MARK2: variants seen among roughly 807,000 people sequenced by gnomAD.
MARK2 encodes serine/threonine-protein kinase MARK2.
MARK2 carries 16 observed loss-of-function variants against 89.8 expected under a neutral mutation model. That is an observed-to-expected ratio of 0.18 (90% CI 0.12 to 0.27). The LOEUF (loss-of-function observed/expected upper bound fraction) is 0.27, where lower values mean the gene tolerates loss of function less well. Ranked by LOEUF, MARK2 falls within the 10% of genes least tolerant of loss-of-function variation. The probability of loss-of-function intolerance (pLI) is 1.00; values close to 1 mark genes in which losing one functional copy is unlikely to be tolerated. For synonymous variants in MARK2, 382 were observed against 399.5 expected (o/e 0.96, Z 0.52); for missense variants, 621 against 1,049.9 (o/e 0.59, Z 5.65).
intron 1 of MARK2, among the ~76,000 whole-genome samples, chr11:63,864,972 C>T (rs1852624325): frequency 6.6e-6 from 1 of 152,190 alleles, no homozygotes; most frequent in Non-Finnish European, 1.5e-5. Context: ...CAGTCTCGGC[C>T]TTGACCTCCC....
At chr11:63,907,534 G>A (rs547233234) in intron 17 of MARK2, among the ~76,000 whole-genome samples, 29 of 152,302 alleles carry the variant, frequency 1.9e-4, no homozygotes, top group Non-Finnish European at 3.2e-4. Flanking sequence ...GCCGCTCAGC[G>A]GGGCCAGACC....
chr11:63,852,766 C>T (rs866349566), intron 1 of MARK2, among the ~76,000 whole-genome samples: 6 of 151,962 alleles, frequency 3.9e-5, no homozygotes, highest in African/African-American at 4.8e-5. Flanking sequence ...GCGTCTTATG[C>T]GACAGAACAT....
rs149551455 is a variant in MARK2, at chr11:63,871,915, C to A, written c.55-23244C>A. Among the ~76,000 whole-genome samples, 9 of 152,330 alleles carry A rather than the reference C, an allele frequency of 5.9e-5. 1 individual carries two copies. The East Asian group carries it at 1.5e-3, about 26-fold the overall frequency. On this transcript the variant is annotated intron_variant, in intron 1 of 18. Transcript: ENST00000402010. Reference sequence around the variant, plus strand: ...TGTGCAGGTGTGGGTGAAGAGTAGGCTGTCCAGGATTTCAATCCTTGGCTT... The same window carrying A: ...TGTGCAGGTGTGGGTGAAGAGTAGGATGTCCAGGATTTCAATCCTTGGCTT...
intron 18 of MARK2, among the ~76,000 whole-genome samples, chr11:63,908,588 G>T (rs902425368): frequency 6.6e-6 from 1 of 152,160 alleles, no homozygotes; most frequent in East Asian, 1.9e-4. Context: ...CCCTGTGCTC[G>T]GAGGCTTCTT....
Position 63,902,845 on chromosome 11 carries a change from T to A in MARK2, c.1416+63T>A. ...GTGGGGCCTGCCCTCTCCAGGCAGC[T>A]CTTCTCTTAATTCAGACTCTGTTCC... On this transcript the variant is annotated intron_variant, in intron 13 of 18. Coordinates refer to ENST00000402010, the MANE Select transcript of MARK2 (RefSeq NM_001039469.3). The surrounding 1 kb of genome is among the most constrained non-coding windows in gnomAD (Gnocchi z 4.2). The A allele has an allele frequency of 7.2e-7, 1 of 1,380,326 alleles. No homozygotes were observed. The highest frequency in any genetic ancestry group is 1.0e-6 in the Non-Finnish European group (1 of 982,014). The allele number at this position is 1,380,326 out of a possible 1,614,324, so 85.5% of individuals were successfully genotyped here.
At chr11:63,863,426 G>A (rs937738989) in intron 1 of MARK2, among the ~76,000 whole-genome samples, 1 of 151,786 alleles carries the variant, frequency 6.6e-6, no homozygotes, top group African/African-American at 2.4e-5. Context: ...TGAGAGTAAA[G>A]GGGTGAACTA....
chr11:63,854,812 CAA>C (rs56392948), intron 1 of MARK2, among the ~76,000 whole-genome samples: 2,881 of 117,016 alleles, frequency 0.025, 77 homozygotes, highest in African/African-American at 0.093. Flanking sequence ...GACACCATCC[CAA>C]AAAAAAAAAA....
At chr11:63,885,780 G>C (rs917543534) in intron 1 of MARK2, among the ~76,000 whole-genome samples, 4 of 151,568 alleles carry the variant, frequency 2.6e-5, no homozygotes, top group Admixed American at 6.6e-5. Context: ...GTTGCAGTGA[G>C]CCGAGATCGC....
intron 1 of MARK2, among the ~76,000 whole-genome samples, chr11:63,848,318 G>A (rs893860049): frequency 6.6e-6 from 1 of 152,194 alleles, no homozygotes; most frequent in Non-Finnish European, 1.5e-5. Flanking sequence ...TACCATTTCA[G>A]TATGAGTTTT....
chr11:63,860,918 G>A (rs989061259), intron 1 of MARK2, among the ~76,000 whole-genome samples: 3 of 151,844 alleles, frequency 2.0e-5, no homozygotes, highest in African/African-American at 7.3e-5. Context: ...CATCTCATTG[G>A]AATCATTTTT....
rs1274649956 is a variant in MARK2, at chr11:63,903,075, C to G, written c.1431C>G (p.Ser477=). Residue 477 remains serine (S), a synonymous_variant, in exon 14 of 19, where the codon TCC becomes TCG. Transcript: ENST00000402010. The surrounding 1 kb of genome is among the most constrained non-coding windows in gnomAD (Gnocchi z 5.1). ...ATTCCCCACAGAACAGCGTCCTCTC[C>G]ACCAGCACAAATCGAAGCAGGAATT... ...TPTPSTNSVL[S]TSTNRSRNSP... is the part of the protein sequence containing the mutation. 2 of 1,613,958 alleles carry G rather than the reference C, an allele frequency of 1.2e-6. No homozygotes were observed. The highest frequency in any genetic ancestry group is 2.7e-5 in the African/African-American group (2 of 74,932).
chr11:63,843,607 A>G (rs1056010756), intron 1 of MARK2, among the ~76,000 whole-genome samples: 3 of 151,928 alleles, frequency 2.0e-5, no homozygotes, highest in Non-Finnish European at 4.4e-5. Context: ...GATTCTGGAT[A>G]AAAATATATA....
At chr11:63,851,152 G>A (rs573993857) in intron 1 of MARK2, among the ~76,000 whole-genome samples, 20 of 152,270 alleles carry the variant, frequency 1.3e-4, no homozygotes, top group African/African-American at 3.1e-4. Context: ...GGGAATTTGC[G>A]GACTTTGAAT....
In MARK2 at chr11:63,900,472, G is replaced by T; in HGVS notation, c.769-87G>T. On this transcript the variant is annotated intron_variant, in intron 8 of 18. Transcript: ENST00000402010. The surrounding 1 kb of genome is among the most constrained non-coding windows in gnomAD (Gnocchi z 4.7). ...TATTTCATTTATGTCTGCTTTGCCA[G>T]GCTTAAGCTCTCAGGATCTTGGATA... 1 of 1,484,524 alleles carries T rather than the reference G, an allele frequency of 6.7e-7. No individual in the cohort carries two copies. The allele number at this position is 1,484,524 out of a possible 1,614,324, so 92.0% of individuals were successfully genotyped here.
chr11:63,906,227 C>A, intron 17 of MARK2, 113 bp downstream of exon 17: 1 of 1,218,338 alleles, frequency 8.2e-7, no homozygotes. Context: ...TCTGCTTAAC[C>A]AAGTCTGTGT....
Position 63,902,237 on chromosome 11 carries a change from G to C in MARK2, c.1141G>C (p.Ala381Pro). ...DTITLKPRPSADLTNSSAPSP... is the reference protein window; with the variant it reads ...DTITLKPRPSPDLTNSSAPSP... ...CATCACCCTGAAACCCCGGCCTTCAGCTGATCTGACCAATAGCAGCGCCCC... is the reference window on the plus strand; with the variant it reads ...CATCACCCTGAAACCCCGGCCTTCACCTGATCTGACCAATAGCAGCGCCCC... The change falls in exon 12 of 19, where the codon GCT becomes CCT. Residue 381 changes from alanine (A) to proline (P), a missense_variant. Physicochemically the swap from Ala to Pro is conservative, Grantham distance 27. Coordinates refer to ENST00000402010, the MANE Select transcript of MARK2 (RefSeq NM_001039469.3). The surrounding 1 kb of genome is among the most constrained non-coding windows in gnomAD (Gnocchi z 4.2). 1 of 1,614,120 alleles carries C rather than the reference G, an allele frequency of 6.2e-7. No homozygotes were observed. Among genetic ancestry groups the C allele is most frequent in the Non-Finnish European group, 8.5e-7 (1 of 1,180,014 alleles).
At chr11:63,899,567 CTGCTG>C (rs1940699363) in intron 7 of MARK2, among the ~76,000 whole-genome samples, 1 of 152,222 alleles carries the variant, frequency 6.6e-6, no homozygotes, top group African/African-American at 2.4e-5. Context: ...GGTCTCTTGG[CTGCTG>C]AGTCCTCACA....
In MARK2 at chr11:63,900,446, A is replaced by G; in HGVS notation, c.769-113A>G. 1 of 1,292,164 alleles carries G rather than the reference A, an allele frequency of 7.7e-7. No individual in the cohort carries two copies. The highest frequency in any genetic ancestry group is 2.3e-5 in the East Asian group (1 of 43,252). The allele number at this position is 1,292,164 out of a possible 1,614,324, so 80.0% of individuals were successfully genotyped here. ...GTCCCCAGGCTGTCTGCCTTCTTCC[A>G]TATTTCATTTATGTCTGCTTTGCCA... On this transcript the variant is annotated intron_variant, in intron 8 of 18. Coordinates refer to ENST00000402010, the MANE Select transcript of MARK2 (RefSeq NM_001039469.3). The surrounding 1 kb of genome is among the most constrained non-coding windows in gnomAD (Gnocchi z 4.7).
Position 63,890,130 on chromosome 11 carries a change from A to G in MARK2, c.55-5029A>G, listed in dbSNP as rs191706448. 69 of 624,364 alleles carry G rather than the reference A, an allele frequency of 1.1e-4. No homozygotes were observed. The East Asian group carries it at 4.1e-3, about 37-fold the overall frequency. The allele number at this position is 624,364 out of a possible 1,614,324, so 38.7% of individuals were successfully genotyped here. ...CTTCAGGGAAGAAGCTAGGTGAGGA[A>G]GTTGCCTCACTTGGGGCCTTGGCCC... On this transcript the variant is annotated intron_variant, in intron 1 of 18. Coordinates refer to ENST00000402010, the MANE Select transcript of MARK2 (RefSeq NM_001039469.3).
Sources: allele counts gnomAD v4.1 joint callset (sites outside exome capture counted in the v4.1 genomes callset), GRCh38; gene constraint gnomAD v4.1.1; non-coding constraint Gnocchi (gnomAD v3.1); transcripts MANE v1.5; gene names NCBI Gene and HGNC (gene_info 2026-07-23, HGNC 2026-07-21).